The following SLC25A46 variants were observed in gnomAD, a reference collection of about 807,000 sequenced individuals.
The protein encoded by SLC25A46 is mitochondrial outer membrane protein SLC25A46.
In SLC25A46, 39 loss-of-function variants were observed where a neutral mutation model predicts 44.6. The ratio of observed to expected loss-of-function variants is 0.87; its 90% CI spans 0.68 to 1.14. SLC25A46 has a LOEUF of 1.14. Ranked by LOEUF, SLC25A46 falls within the 50% of genes most tolerant of loss-of-function variation. SLC25A46 has a pLI of 0.00. For missense variants in SLC25A46, 547 were observed against 522.7 expected (o/e 1.05, Z -0.45); for synonymous variants, 202 against 185.8 (o/e 1.09, Z -0.71).
intron 6 of SLC25A46, chr5:110,755,863 A>G: frequency 6.1e-6 from 1 of 162,752 alleles, no homozygotes; most frequent in Non-Finnish European, 1.3e-5. Context: ...ATGTATTTGT[A>G]TGGTGATAAG....
intron 3 of SLC25A46, chr5:110,745,518 G>T (rs1366384411): frequency 6.6e-6 from 1 of 152,386 alleles, no homozygotes; most frequent in East Asian, 1.9e-4. Context: ...CTCCCAAAGT[G>T]GTGGGATTAC....
intron 2 of SLC25A46, among the ~76,000 whole-genome samples, chr5:110,742,418 A>G (rs562844788): frequency 6.6e-6 from 1 of 152,210 alleles, no homozygotes; most frequent in Admixed American, 6.5e-5. Flanking sequence ...ATAATTTAGA[A>G]TGGGGTTCAT....
intron 1 of SLC25A46, among the ~76,000 whole-genome samples, chr5:110,740,062 A>G (rs1029843722): frequency 6.6e-6 from 1 of 152,212 alleles, no homozygotes; most frequent in Non-Finnish European, 1.5e-5. Context: ...TAAAAACTAC[A>G]TATAAAAGTT....
chr5:110,755,380 G>A lies in SLC25A46; in HGVS notation c.564-85G>A, dbSNP rs1468140740. The A allele has an allele frequency of 1.1e-5, 9 of 786,246 alleles. No homozygotes were observed. In the Admixed American group the frequency reaches 1.9e-4, roughly 17 times the overall value. 48.7% of individuals were successfully genotyped at this position (786,246 alleles called of 1,614,324 possible). ...TACAGATTGAAAAAAATTAGAAGTT[G>A]ATTACTGTTTTGAAAATTGGGCTAA... On this transcript the variant is annotated intron_variant, in intron 5 of 7. Transcript: ENST00000355943.
In SLC25A46 at chr5:110,759,375, C is replaced by T. The variant is rs1461350270; in HGVS notation, c.679-1829C>T. On this transcript the variant is annotated intron_variant, in intron 7 of 7. Transcript: ENST00000355943. ...ATTCTAAGTAGAGGGAAGGCAAGTG[C>T]AAATGCCCTTACATGGGACTGTGTC... Among the ~76,000 whole-genome samples the T allele has an allele frequency of 2.0e-5, 3 of 152,068 alleles. No homozygotes were observed. The South Asian group carries it at 6.2e-4, about 32-fold the overall frequency.
chr5:110,742,621 G>A (rs557910836), intron 2 of SLC25A46, among the ~76,000 whole-genome samples: 1 of 151,982 alleles, frequency 6.6e-6, no homozygotes, highest in South Asian at 2.1e-4. Context: ...TTACCTGTTT[G>A]CAGATCTGGT....
intron 1 of SLC25A46, 90 bp from the exon 2 acceptor site, chr5:110,741,957 T>C: frequency 1.1e-6 from 1 of 892,836 alleles, no homozygotes; most frequent in Non-Finnish European, 1.7e-6. Context: ...TAAAATAAAT[T>C]TTTTAAAATT....
At position 110,761,447 on chromosome 5, in the gene SLC25A46, A is replaced by G. The variant is rs559684392; in HGVS notation, c.922A>G (p.Ser308Gly). The G allele has an allele frequency of 1.9e-6, 3 of 1,613,756 alleles. No individual in the cohort carries two copies. Among genetic ancestry groups the G allele is most frequent in the South Asian group, 2.2e-5 (2 of 91,080 alleles). Residue 308 changes from serine to glycine, a missense_variant, in exon 8 of 8, where the codon AGT becomes GGT. Transcript: ENST00000355943. This position sits in a 1 kb window ranked among gnomAD's most constrained non-coding sequence, Gnocchi z 5.3. ...AGCTGAGAGCACTAGCCCTGTGCAG[A>G]GTATGTTGGATGCTTATTTTCCAGA... ...HLAESTSPVQ[S>G]MLDAYFPELI...
In SLC25A46 at chr5:110,761,382, T is replaced by C. The variant is rs571078471; in HGVS notation, c.857T>C (p.Val286Ala). The C allele has an allele frequency of 1.2e-6, 2 of 1,613,746 alleles. No homozygotes were observed. The highest frequency in any genetic ancestry group is 1.3e-5 in the African/African-American group (1 of 75,012). ...ATCAGCTCAGTTATTCAGAAGTTTG[T>C]CCTACTAATTCTAAAGAGAAAGACT... ...YIISSVIQKFVLLILKRKTYN... is the reference protein window; with the variant it reads ...YIISSVIQKFALLILKRKTYN... The change falls in exon 8 of 8, where the codon GTC becomes GCC. Residue 286 changes from valine (V) to alanine (A), a missense_variant. Coordinates refer to ENST00000355943, the MANE Select transcript of SLC25A46 (RefSeq NM_138773.4). This position sits in a 1 kb window ranked among gnomAD's most constrained non-coding sequence, Gnocchi z 5.3.
At chr5:110,753,410 C>A (rs1359270585) in intron 5 of SLC25A46, 1 of 150,084 alleles carries the variant, frequency 6.7e-6, no homozygotes, top group African/African-American at 2.5e-5. Context: ...GTTGATTATG[C>A]ATAGGAGTAT....
At chr5:110,746,843 AAGAG>A (rs1192285421) in intron 4 of SLC25A46, among the ~76,000 whole-genome samples, 3 of 152,154 alleles carry the variant, frequency 2.0e-5, no homozygotes, top group African/African-American at 7.2e-5. Flanking sequence ...GCAGAAGACA[AAGAG>A]AGATCATAAT....
intron 1 of SLC25A46, among the ~76,000 whole-genome samples, chr5:110,740,075 A>G (rs1250441228): frequency 1.3e-5 from 2 of 152,206 alleles, no homozygotes; most frequent in Non-Finnish European, 2.9e-5. Flanking sequence ...TAAAAGTTAG[A>G]AACACTGATA....
intron 5 of SLC25A46, among the ~76,000 whole-genome samples, chr5:110,751,126 C>T (rs753865890): frequency 6.6e-6 from 1 of 152,134 alleles, no homozygotes; most frequent in African/African-American, 2.4e-5. Flanking sequence ...CATTCATTTA[C>T]TTGGCTAACA....
chr5:110,746,116 G>C, intron 3 of SLC25A46, 153 bp from the exon 4 acceptor site: 1 of 613,824 alleles, frequency 1.6e-6, no homozygotes, highest in Non-Finnish European at 2.8e-6. Context: ...GTTATTTAAA[G>C]CACTTTTAAG....
In SLC25A46 at chr5:110,761,253, G is replaced by C. The variant is rs778093749; in HGVS notation, c.728G>C (p.Gly243Ala). 6.2e-7 allele frequency: 1 copy of C among 1,613,078 alleles called. No homozygotes were observed. The highest frequency in any genetic ancestry group is 8.5e-7 in the Non-Finnish European group (1 of 1,179,558). Residue 243 changes from glycine (G) to alanine (A), a missense_variant, in exon 8 of 8, where the codon GGA becomes GCA. Gly to Ala is a moderately conservative substitution (Grantham distance 60, BLOSUM62 0). Transcript: ENST00000355943. The surrounding 1 kb of genome is among the most constrained non-coding windows in gnomAD (Gnocchi z 5.3). The stretch of plus-strand genomic sequence containing the variant: ...GGCATTTTGGAGTGTGTTAAAGAAG[G>C]AATTGGAAGAGTGATAGGCATGGGA... ...NTGILECVKE[G>A]IGRVIGMGVP... is the part of the protein sequence containing the mutation.
chr5:110,739,491 C>T, intron 1 of SLC25A46, 89 bp downstream of exon 1: 1 of 1,465,884 alleles, frequency 6.8e-7, no homozygotes, highest in Non-Finnish European at 9.0e-7. Context: ...GCAGAGGATC[C>T]CGCCTCCTAT....
At chr5:110,757,683 T>G (rs1003727637) in intron 7 of SLC25A46, among the ~76,000 whole-genome samples, 6 of 152,136 alleles carry the variant, frequency 3.9e-5, no homozygotes, top group African/African-American at 1.2e-4. Context: ...TCCCCTTGCA[T>G]TTGGCATTGT....
intron 5 of SLC25A46, among the ~76,000 whole-genome samples, chr5:110,752,153 T>C (rs1447391365): frequency 1.8e-4 from 27 of 152,108 alleles, no homozygotes; most frequent in Admixed American, 1.8e-3. Flanking sequence ...GATTTGCCAA[T>C]ATTTAGGGGT....
chr5:110,746,252 A>G lies in SLC25A46; in HGVS notation c.385-17A>G. ...AAAACATTAACAGAAAAAAATAATG[A>G]AATATCTTTTTTACAGGTTAATTAC... On this transcript the variant is annotated splice_polypyrimidine_tract_variant and intron_variant, in intron 3 of 7. Coordinates refer to ENST00000355943, the MANE Select transcript of SLC25A46 (RefSeq NM_138773.4). The G allele has an allele frequency of 6.6e-7, 1 of 1,526,706 alleles. No individual in the cohort carries two copies. 94.6% of individuals were successfully genotyped at this position (1,526,706 alleles called of 1,614,324 possible).
Sources: gnomAD v4.1 joint callset for allele counts (sites outside exome capture counted in the v4.1 genomes callset) on GRCh38, gnomAD v4.1.1 for gene constraint, Gnocchi (gnomAD v3.1) non-coding constraint, MANE v1.5 for transcripts, NCBI Gene and HGNC (gene_info 2026-07-23, HGNC 2026-07-21) for gene names.